The following TEN1 variants were observed in gnomAD, a reference collection of about 807,000 sequenced individuals.
TEN1 encodes the protein CST complex subunit TEN1.
A neutral mutation model predicts 9.3 loss-of-function variants in TEN1; 6 were observed. The observed-to-expected ratio is 0.65, with a 90% CI of 0.35 to 1.27. The LOEUF (loss-of-function observed/expected upper bound fraction) is 1.27. Among genes scored for constraint, TEN1 ranks in the 50% most tolerant of loss-of-function variants. TEN1 has a pLI of 0.03. For missense variants in TEN1, 149 were observed against 158.2 expected (o/e 0.94, Z 0.31); for synonymous variants, 65 against 65.6 (o/e 0.99, Z 0.04).
In TEN1 at chr17:75,979,246, G is replaced by GC. The variant is rs1598207248; in HGVS notation, c.-271dup. On this transcript the variant is annotated 5_prime_UTR_variant, in exon 1 of 4. Transcript: ENST00000397640. ...CCCCTTCTTTCTCCGTGGCCCTTTG[G>GC]CGCGTGAGTGACAGCGGCCCAGACA... 1 of 868,744 alleles carries GC rather than the reference G, an allele frequency of 1.2e-6. No homozygotes were observed. The highest frequency in any genetic ancestry group is 1.8e-6 in the Non-Finnish European group (1 of 551,382). 53.8% of individuals were successfully genotyped at this position (868,744 alleles called of 1,614,324 possible). A position where few individuals can be genotyped will look rare whatever the true frequency, so the allele number is the denominator to read the frequency against.
At chr17:75,989,064 C>T (rs913452826) in intron 2 of TEN1, among the ~76,000 whole-genome samples, 5 of 152,184 alleles carry the variant, frequency 3.3e-5, no homozygotes, top group Middle Eastern at 3.4e-3. Context: ...AGCCACCACG[C>T]CCGGCCTACT....
intron 1 of TEN1, among the ~76,000 whole-genome samples, chr17:75,980,942 C>T (rs55949680): frequency 0.035 from 5,400 of 152,220 alleles, 98 homozygotes; most frequent in Middle Eastern, 0.075. Context: ...GTGCCTGCCC[C>T]GCTAAAGGTG....
intron 2 of TEN1, among the ~76,000 whole-genome samples, chr17:75,986,679 C>G (rs955599907): frequency 6.6e-6 from 1 of 151,162 alleles, no homozygotes; most frequent in Non-Finnish European, 1.5e-5. Flanking sequence ...CCAGCCTGGG[C>G]GACAAGAGCA....
In TEN1 at chr17:75,979,530, A is replaced by G. The variant is rs867900975; in HGVS notation, c.-7+19A>G. On this transcript the variant is annotated intron_variant, in intron 1 of 3. Coordinates refer to ENST00000397640, the MANE Select transcript of TEN1 (RefSeq NM_001113324.3). The stretch of plus-strand genomic sequence containing the variant: ...AGAACAGGTTGGCTGGGGCCTTGGG[A>G]AGGGGGCGGGACAACGAGGCTGAGG... The G allele has an allele frequency of 1.1e-4, 33 of 301,848 alleles. No homozygotes were observed. Among genetic ancestry groups the G allele is most frequent in the South Asian group, 9.2e-4 (33 of 36,032 alleles). The allele number at this position is 301,848 out of a possible 1,614,324, so 18.7% of individuals were successfully genotyped here.
At chr17:75,983,578 A>G (rs2066135485) in intron 1 of TEN1, among the ~76,000 whole-genome samples, 2 of 152,166 alleles carry the variant, frequency 1.3e-5, no homozygotes, top group African/African-American at 4.8e-5. Flanking sequence ...AAACGAAATC[A>G]TTTCATGGAG....
chr17:75,990,158 G>C (rs1263711791), intron 2 of TEN1, among the ~76,000 whole-genome samples: 1 of 151,376 alleles, frequency 6.6e-6, no homozygotes, highest in Non-Finnish European at 1.5e-5. Context: ...TGATCCTCCC[G>C]TCTTGGCCTC....
At chr17:75,988,694 G>C (rs1305419088) in intron 2 of TEN1, among the ~76,000 whole-genome samples, 1 of 151,738 alleles carries the variant, frequency 6.6e-6, no homozygotes, top group African/African-American at 2.4e-5. Flanking sequence ...TGCCATCTCA[G>C]ACATGTAGAT....
At chr17:75,989,649 G>C (rs1289203144) in intron 2 of TEN1, among the ~76,000 whole-genome samples, 1 of 152,034 alleles carries the variant, frequency 6.6e-6, no homozygotes, top group East Asian at 1.9e-4. Context: ...TCTTGACCTT[G>C]TGATCTGTCT....
chr17:75,983,728 A>G (rs1199805053), intron 1 of TEN1, among the ~76,000 whole-genome samples: 1 of 152,132 alleles, frequency 6.6e-6, no homozygotes. Context: ...GGGTGGTGGC[A>G]GCTAGGCAAT....
chr17:75,987,576 G>C (rs534199833), intron 2 of TEN1, among the ~76,000 whole-genome samples: 5 of 152,252 alleles, frequency 3.3e-5, no homozygotes, highest in African/African-American at 1.2e-4. Context: ...TCGGGGGTGA[G>C]AATCACAGGG....
intron 1 of TEN1, among the ~76,000 whole-genome samples, chr17:75,985,826 G>GT (rs916366788): frequency 2.0e-4 from 30 of 147,982 alleles, no homozygotes; most frequent in East Asian, 1.8e-3. Context: ...ACCCGGCCAT[G>GT]TTTTTTTTTC....
chr17:75,986,632 T>G (rs2066154130), intron 2 of TEN1, among the ~76,000 whole-genome samples: 1 of 151,860 alleles, frequency 6.6e-6, no homozygotes, highest in Non-Finnish European at 1.5e-5. Context: ...ACGTGGAAGG[T>G]GGAGGTTGTA....
At chr17:75,989,372 A>G (rs770931283) in intron 2 of TEN1, among the ~76,000 whole-genome samples, 48 of 150,322 alleles carry the variant, frequency 3.2e-4, no homozygotes, top group Non-Finnish European at 4.6e-4. Context: ...TAGGCCTCCC[A>G]AAGTGCTGGG....
At chr17:75,981,594 T>C (rs576189471) in intron 1 of TEN1, among the ~76,000 whole-genome samples, 29 of 143,524 alleles carry the variant, frequency 2.0e-4, no homozygotes, top group African/African-American at 7.5e-4. Context: ...ACAAAGCAAG[T>C]TGTTTTTTTT....
rs923391208 is a variant in TEN1 at position 75,979,408 on chromosome 17, G to C, written c.-110G>C. Reference sequence around the variant, plus strand: ...CAAGAAACTGCCCTGCTGGGCGTCCGGGGAGTGGGAAAATAAAGCACTTTT... The same window carrying C: ...CAAGAAACTGCCCTGCTGGGCGTCCCGGGAGTGGGAAAATAAAGCACTTTT... On this transcript the variant is annotated 5_prime_UTR_variant, in exon 1 of 4. Coordinates refer to ENST00000397640, the MANE Select transcript of TEN1 (RefSeq NM_001113324.3). The C allele has an allele frequency of 8.6e-6, 4 of 465,274 alleles. No individual in the cohort carries two copies. Among genetic ancestry groups the C allele is most frequent in the African/African-American group, 8.0e-5 (4 of 50,122 alleles). The allele number at this position is 465,274 out of a possible 1,614,324, so 28.8% of individuals were successfully genotyped here.
chr17:75,981,756 G>A (rs2066122020), intron 1 of TEN1, among the ~76,000 whole-genome samples: 1 of 152,132 alleles, frequency 6.6e-6, no homozygotes, highest in African/African-American at 2.4e-5. Context: ...TAAGCTGGGT[G>A]CGGTGGCTCA....
At chr17:75,998,169 C>CTTT (rs1555622204) in intron 3 of TEN1, among the ~76,000 whole-genome samples, 2 of 135,732 alleles carry the variant, frequency 1.5e-5, no homozygotes, top group Non-Finnish European at 3.2e-5. Flanking sequence ...TTTTTTTTTC[C>CTTT]TTTTTTTTTT....
chr17:75,986,218 A>G lies in TEN1; in HGVS notation c.26A>G (p.Tyr9Cys), dbSNP rs1212831970. The G allele has an allele frequency of 4.5e-6, 7 of 1,549,498 alleles. No homozygotes were observed. The highest frequency in any genetic ancestry group is 1.4e-5 in the African/African-American group (1 of 72,910). The change falls in exon 2 of 4, where the codon TAT (tyrosine) becomes TGT (cysteine). Residue 9 changes from tyrosine to cysteine, a missense_variant. Transcript: ENST00000397640. Reference sequence around the variant, plus strand: ...ATGATGCTGCCCAAACCTGGGACCTATTACCTCCCCTGGGAGGTTAGTGCA... The same window carrying G: ...ATGATGCTGCCCAAACCTGGGACCTGTTACCTCCCCTGGGAGGTTAGTGCA... MMLPKPGT[Y>C]YLPWEVSAGQ...
At chr17:75,983,452 G>A (rs2066134867) in intron 1 of TEN1, among the ~76,000 whole-genome samples, 1 of 152,062 alleles carries the variant, frequency 6.6e-6, no homozygotes, top group South Asian at 2.1e-4. Context: ...TCATGTTAGT[G>A]AGCACACACT....
Sources: gnomAD v4.1 joint callset for allele counts (sites outside exome capture counted in the v4.1 genomes callset) on GRCh38, gnomAD v4.1.1 for gene constraint, MANE v1.5 for transcripts, NCBI Gene and HGNC (gene_info 2026-07-23, HGNC 2026-07-21) for gene names.